Variants in SLC24A3 observed in about 807,000 individuals in gnomAD.
SLC24A3 encodes sodium/potassium/calcium exchanger 3.
SLC24A3 carries 28 observed loss-of-function variants against 75.8 expected under a neutral mutation model. That is an observed-to-expected ratio of 0.37 (90% confidence interval 0.27 to 0.51). The LOEUF is 0.51. Among genes scored for constraint, SLC24A3 ranks in the 20% least tolerant of loss-of-function variants. The pLI, the probability that SLC24A3 is intolerant of heterozygous loss-of-function variation, is 0.94. For missense variants in SLC24A3, 663 were observed against 847.8 expected, an observed-to-expected ratio of 0.78 and a Z score of 2.71; for synonymous variants, 372 against 334.1, an observed-to-expected ratio of 1.11 and a Z score of -1.24.
intron 9 of SLC24A3, among the ~76,000 whole-genome samples, chr20:19,677,490 C>T (rs733269): frequency 0.29 from 43,909 of 151,556 alleles, 7,037 homozygotes; most frequent in African/African-American, 0.42. Context: ...CAGAATAGTA[C>T]GATGAACCCC....
At chr20:19,404,956 C>T (rs1986616918) in intron 2 of SLC24A3, among the ~76,000 whole-genome samples, 1 of 152,080 alleles carries the variant, frequency 6.6e-6, no homozygotes, top group African/African-American at 2.4e-5. Flanking sequence ...CACTGTCTCT[C>T]GGGGTACTTA....
At chr20:19,404,485 A>G (rs987586919) in intron 2 of SLC24A3, among the ~76,000 whole-genome samples, 2 of 152,240 alleles carry the variant, frequency 1.3e-5, no homozygotes, top group African/African-American at 4.8e-5. Flanking sequence ...AGGAATTACC[A>G]GGAAACAAGA....
chr20:19,418,317 A>G (rs192687962), intron 2 of SLC24A3, among the ~76,000 whole-genome samples: 41 of 152,346 alleles, frequency 2.7e-4, no homozygotes, highest in Admixed American at 6.5e-4. Context: ...TATAAAAAGA[A>G]CATTCAGAGA....
At chr20:19,354,890 C>T (rs1003074729) in intron 2 of SLC24A3, among the ~76,000 whole-genome samples, 4 of 152,184 alleles carry the variant, frequency 2.6e-5, no homozygotes, top group African/African-American at 9.6e-5. Context: ...TTCTTGCCAG[C>T]CTCTCCCCTC....
intron 1 of SLC24A3, among the ~76,000 whole-genome samples, chr20:19,236,503 G>C (rs1271087807): frequency 6.6e-6 from 1 of 151,922 alleles, no homozygotes; most frequent in African/African-American, 2.4e-5. Flanking sequence ...TATAATCCTA[G>C]TACTTCGGAA....
intron 15 of SLC24A3, 40 bp from the exon 16 acceptor site, chr20:19,717,488 C>T (rs1216397426): frequency 6.2e-7 from 1 of 1,608,978 alleles, no homozygotes; most frequent in Non-Finnish European, 8.5e-7. Flanking sequence ...GCTTTGGAAG[C>T]CTAGCTTGTC....
rs376445347 is a variant in SLC24A3 at position 19,465,823 on chromosome 20, A to G, written c.272-49665A>G. Among the ~76,000 whole-genome samples the G allele has an allele frequency of 2.0e-5, 3 of 152,226 alleles. No individual in the cohort carries two copies. The East Asian group carries it at 5.8e-4, about 29-fold the overall frequency. On this transcript the variant is annotated intron_variant, in intron 2 of 16. Transcript: ENST00000328041. ...CTTGTGCTTCTACCACTGGAAGCACATTAGAATCACTGGAGAGCTTTCCAA... is the reference window on the plus strand; with the variant it reads ...CTTGTGCTTCTACCACTGGAAGCACGTTAGAATCACTGGAGAGCTTTCCAA...
intron 2 of SLC24A3, among the ~76,000 whole-genome samples, chr20:19,468,802 C>T (rs1987814002): frequency 6.6e-6 from 1 of 152,132 alleles, no homozygotes; most frequent in African/African-American, 2.4e-5. Flanking sequence ...GAAGTTTAGC[C>T]AGCTAAGTAC....
In SLC24A3 at chr20:19,580,085, C is replaced by T. The variant is rs1252394772; in HGVS notation, c.423+11C>T. ...GAAAAGATCTGTGAGGTACGTGCCTCACATTCTTGGTATGTGTGAGCCAGA... is the reference window on the plus strand; with the variant it reads ...GAAAAGATCTGTGAGGTACGTGCCTTACATTCTTGGTATGTGTGAGCCAGA... On this transcript the variant is annotated intron_variant, in intron 4 of 16. Transcript: ENST00000328041. 3 of 1,612,120 alleles carry T rather than the reference C, an allele frequency of 1.9e-6. No individual in the cohort carries two copies.
At chr20:19,507,863 A>T (rs1052969941) in intron 2 of SLC24A3, among the ~76,000 whole-genome samples, 2 of 152,164 alleles carry the variant, frequency 1.3e-5, no homozygotes, top group African/African-American at 4.8e-5. Context: ...TCCTGAGAGA[A>T]AGGCCCTCTG....
intron 3 of SLC24A3, among the ~76,000 whole-genome samples, chr20:19,526,657 A>AGGG: frequency 6.6e-6 from 1 of 152,082 alleles, no homozygotes; most frequent in Non-Finnish European, 1.5e-5. Context: ...CTCCCCCACT[A>AGGG]TCAGAGGGTC....
chr20:19,545,308 G>T (rs2030570136), intron 3 of SLC24A3, among the ~76,000 whole-genome samples: 1 of 152,196 alleles, frequency 6.6e-6, no homozygotes, highest in African/African-American at 2.4e-5. Flanking sequence ...GGGAGGAGAG[G>T]AATTCCCTAT....
chr20:19,226,844 T>G (rs994549967), intron 1 of SLC24A3, among the ~76,000 whole-genome samples: 1 of 152,252 alleles, frequency 6.6e-6, no homozygotes, highest in Non-Finnish European at 1.5e-5. Context: ...TCTTAACTAT[T>G]ACATCGTATC....
At chr20:19,415,267 A>C (rs1417717615) in intron 2 of SLC24A3, among the ~76,000 whole-genome samples, 3 of 152,328 alleles carry the variant, frequency 2.0e-5, no homozygotes, top group South Asian at 2.1e-4. Context: ...CTGCATGTTC[A>C]TTGTAGAATA....
chr20:19,533,012 C>G (rs1254366724), intron 3 of SLC24A3, among the ~76,000 whole-genome samples: 1 of 152,246 alleles, frequency 6.6e-6, no homozygotes, highest in Non-Finnish European at 1.5e-5. Flanking sequence ...CCTGATTCTT[C>G]TTGGGCACAG....
At chr20:19,375,204 C>T (rs1438315404) in intron 2 of SLC24A3, among the ~76,000 whole-genome samples, 1 of 152,188 alleles carries the variant, frequency 6.6e-6, no homozygotes, top group African/African-American at 2.4e-5. Context: ...GGCACCAAAT[C>T]CTGGCTTTTC....
chr20:19,469,547 A>G (rs1600242596), intron 2 of SLC24A3, among the ~76,000 whole-genome samples: 2 of 152,236 alleles, frequency 1.3e-5, no homozygotes, highest in Middle Eastern at 3.4e-3. Context: ...CCCAGAGTCA[A>G]TGTTGCATGA....
intron 2 of SLC24A3, among the ~76,000 whole-genome samples, chr20:19,416,147 G>A (rs1335591820): frequency 1.3e-5 from 2 of 152,154 alleles, no homozygotes; most frequent in East Asian, 1.9e-4. Context: ...CACACATATC[G>A]ACTCATCCCA....
intron 8 of SLC24A3, among the ~76,000 whole-genome samples, chr20:19,672,750 G>A (rs545664908): frequency 9.2e-5 from 14 of 152,152 alleles, no homozygotes; most frequent in East Asian, 1.9e-4. Flanking sequence ...AAACACTGCC[G>A]CAGGAAAAAC....
Sources: allele counts gnomAD v4.1 joint callset (sites outside exome capture counted in the v4.1 genomes callset), GRCh38; gene constraint gnomAD v4.1.1; transcripts MANE v1.5; gene names NCBI Gene and HGNC (gene_info 2026-07-23, HGNC 2026-07-21).